The following IDO1 variants were observed in gnomAD, a reference collection of about 807,000 sequenced individuals.
IDO1 encodes indoleamine 2,3-dioxygenase 1.
IDO1 carries 35 observed loss-of-function variants against 38.8 expected under a neutral mutation model. The observed-to-expected ratio is 0.90, with a 90% CI of 0.69 to 1.20. The LOEUF is 1.20. Among genes scored for constraint, IDO1 ranks in the 50% most tolerant of loss-of-function variants. The probability of loss-of-function intolerance (pLI) is 0.00; values close to 1 mark genes in which losing one functional copy is unlikely to be tolerated. For synonymous variants in IDO1, 171 were observed against 170.0 expected, an observed-to-expected ratio of 1.01 and a Z score of -0.05; for missense variants, 509 against 485.1, an observed-to-expected ratio of 1.05 and a Z score of -0.46.
chr8:39,918,235 G>A (rs1413977278), intron 3 of IDO1, 28 bp downstream of exon 3: 1 of 1,590,434 alleles, frequency 6.3e-7, no homozygotes, highest in South Asian at 1.1e-5. Context: ...GATTTCTTAT[G>A]CTATGTGACA....
intron 8 of IDO1, 80 bp from the exon 9 acceptor site, chr8:39,925,143 C>T: frequency 1.1e-5 from 14 of 1,313,098 alleles, no homozygotes; most frequent in African/African-American, 1.5e-5. Context: ...CTGTTCAGCA[C>T]TAGTGCAAGA....
At position 39,925,390 on chromosome 8, in the gene IDO1, G is replaced by A; in HGVS notation, c.856+19G>A. 1 of 1,602,500 alleles carries A rather than the reference G, an allele frequency of 6.2e-7. No individual in the cohort carries two copies. Among genetic ancestry groups the A allele is most frequent in the Non-Finnish European group, 8.5e-7 (1 of 1,174,422 alleles). On this transcript the variant is annotated intron_variant, in intron 9 of 9. Transcript: ENST00000518237. ...GGTGGAGGTGAGTGGAAAATAACAA[G>A]AAATAATTATCTCTTATGTGAATAC...
At chr8:39,917,283 G>T (rs1243389561) in intron 1 of IDO1, among the ~76,000 whole-genome samples, 1 of 152,026 alleles carries the variant, frequency 6.6e-6, no homozygotes, top group East Asian at 1.9e-4. Flanking sequence ...ATCACCTGAG[G>T]TTAGGAGGTC....
rs752570452 is a variant in IDO1, at chr8:39,927,861, A to G, written c.888A>G (p.Arg296=). The G allele has an allele frequency of 1.3e-6, 2 of 1,565,962 alleles. No individual in the cohort carries two copies. Among genetic ancestry groups the G allele is most frequent in the Admixed American group, 3.8e-5 (2 of 53,192 alleles). The change falls in exon 10 of 10, where the codon AGA becomes AGG. Residue 296 remains arginine, a synonymous_variant. Coordinates refer to ENST00000518237, the MANE Select transcript of IDO1 (RefSeq NM_002164.6). ...CTGCTCAGTTCCTCCAGGACATGAGAAGATATATGCCACCAGCTCACAGGA... is the reference window on the plus strand; with the variant it reads ...CTGCTCAGTTCCTCCAGGACATGAGGAGATATATGCCACCAGCTCACAGGA... The part of the protein sequence containing the change: ...GHAAQFLQDM[R]RYMPPAHRNF...
intron 7 of IDO1, chr8:39,923,826 G>T: frequency 3.4e-6 from 1 of 296,124 alleles, no homozygotes; most frequent in Non-Finnish European, 6.2e-6. Context: ...AGGCGGTGAA[G>T]CCAGAGTTCC....
intron 4 of IDO1, 132 bp downstream of exon 4, chr8:39,919,065 G>C: frequency 1.3e-6 from 1 of 761,458 alleles, no homozygotes; most frequent in Non-Finnish European, 2.4e-6. Flanking sequence ...TCAGTTCCTC[G>C]GCTGGGTACG....
At chr8:39,922,879 A>G in intron 6 of IDO1, 2 of 523,844 alleles carry the variant, frequency 3.8e-6, no homozygotes, top group Non-Finnish European at 3.4e-6. Context: ...GTAGGAGATA[A>G]AAATTTTCAA....
chr8:39,917,777 T>C (rs1000659166), intron 1 of IDO1, 98 bp from the exon 2 acceptor site: 2 of 752,086 alleles, frequency 2.7e-6, no homozygotes, highest in Non-Finnish European at 4.4e-6. Flanking sequence ...CAGGGCAACA[T>C]TGCACAGAAT....
At chr8:39,924,694 A>G (rs370818810) in intron 7 of IDO1, 27 bp from the exon 8 acceptor site, 204 of 1,539,794 alleles carry the variant, frequency 1.3e-4, no homozygotes, top group African/African-American at 1.3e-3. Context: ...GATGCTGCTT[A>G]ATTAAACATA....
At chr8:39,920,985 C>T (rs558263833) in intron 5 of IDO1, 19 of 152,168 alleles carry the variant, frequency 1.2e-4, no homozygotes, top group African/African-American at 4.1e-4. Context: ...ATTGGGATCC[C>T]TAACCAAATA....
At chr8:39,922,692 G>A (rs761902263) in intron 6 of IDO1, 41 bp downstream of exon 6, 32 of 1,335,454 alleles carry the variant, frequency 2.4e-5, no homozygotes, top group Admixed American at 5.1e-5. Flanking sequence ...GTCAATTTAC[G>A]TAAGCAGAGC....
intron 1 of IDO1, 98 bp from the exon 2 acceptor site, chr8:39,917,777 T>G: frequency 1.3e-6 from 1 of 752,086 alleles, no homozygotes; most frequent in East Asian, 2.7e-5. Context: ...CAGGGCAACA[T>G]TGCACAGAAT....
In IDO1 at chr8:39,917,788, G is replaced by A. The variant is rs192311478; in HGVS notation, c.88-87G>A. On this transcript the variant is annotated intron_variant, in intron 1 of 9. Transcript: ENST00000518237. ...ATGCCAGGGCAACATTGCACAGAATGGATGTGAAGGCAAGGCATACTATCA... is the reference window on the plus strand; with the variant it reads ...ATGCCAGGGCAACATTGCACAGAATAGATGTGAAGGCAAGGCATACTATCA... The A allele has an allele frequency of 2.1e-5, 17 of 808,262 alleles. No individual in the cohort carries two copies. The African/African-American group carries it at 2.2e-4, about 10-fold the overall frequency. 50.1% of individuals were successfully genotyped at this position (808,262 alleles called of 1,614,324 possible). A position where few individuals can be genotyped will look rare whatever the true frequency, so the allele number is the denominator to read the frequency against.
chr8:39,918,116 C>T lies in IDO1; in HGVS notation c.212C>T (p.Thr71Ile), dbSNP rs1237179070. The T allele has an allele frequency of 6.2e-7, 1 of 1,614,002 alleles. No individual in the cohort carries two copies. Among genetic ancestry groups the T allele is most frequent in the Non-Finnish European group, 8.5e-7 (1 of 1,179,876 alleles). Residue 71 changes from threonine (T) to isoleucine (I), a missense_variant, in exon 3 of 10, where the codon ACA becomes ATA. Coordinates refer to ENST00000518237, the MANE Select transcript of IDO1 (RefSeq NM_002164.6). ...KLNMLSIDHLTDHKSQRLARL... is the reference protein window; with the variant it reads ...KLNMLSIDHLIDHKSQRLARL... ...AACATGCTCAGCATTGATCATCTCA[C>T]AGACCACAAGTCACAGCGCCTTGCA...
At chr8:39,922,147 C>T (rs902173206) in intron 5 of IDO1, among the ~76,000 whole-genome samples, 1 of 152,090 alleles carries the variant, frequency 6.6e-6, no homozygotes, top group African/African-American at 2.4e-5. Context: ...ATTACAGGCG[C>T]CCATCACCAT....
At chr8:39,926,311 A>C (rs1807359033) in intron 9 of IDO1, among the ~76,000 whole-genome samples, 1 of 152,232 alleles carries the variant, frequency 6.6e-6, no homozygotes, top group African/African-American at 2.4e-5. Context: ...ACTCCGGTGA[A>C]GCCAATATCA....
intron 3 of IDO1, 39 bp from the exon 4 acceptor site, chr8:39,918,754 AAAAAAAAAAAAAAAACAACAAC>A: frequency 3.2e-6 from 2 of 627,504 alleles, no homozygotes; most frequent in Non-Finnish European, 5.3e-6. Context: ...CTCAAAAAAA[AAAAAAAAAAAAAAAACAACAAC>A]AACAACAACA....
chr8:39,918,416 G>A (rs1385974298), intron 3 of IDO1: 2 of 554,298 alleles, frequency 3.6e-6, no homozygotes, highest in South Asian at 2.5e-5. Context: ...TTTTCATCCT[G>A]TATTTTATCT....
intron 9 of IDO1, among the ~76,000 whole-genome samples, chr8:39,927,618 C>A (rs908212311): frequency 6.6e-6 from 1 of 151,036 alleles, no homozygotes; most frequent in Non-Finnish European, 1.5e-5. Context: ...GAGTTTAGCT[C>A]ATTCAGTTTT....
Sources: gnomAD v4.1 joint callset for allele counts (sites outside exome capture counted in the v4.1 genomes callset) on GRCh38, gnomAD v4.1.1 for gene constraint, MANE v1.5 for transcripts, NCBI Gene and HGNC (gene_info 2026-07-23, HGNC 2026-07-21) for gene names.